Variants in TSC1 observed in about 807,000 individuals in gnomAD.
The protein encoded by TSC1 is TSC complex subunit 1, also known as hamartin.
In TSC1, 20 loss-of-function variants were observed where a neutral mutation model predicts 124.3. That is an observed-to-expected ratio of 0.16 (90% CI 0.11 to 0.23). TSC1 has a LOEUF of 0.23. Ranked by LOEUF, TSC1 falls within the 10% of genes least tolerant of loss-of-function variation. TSC1 has a pLI of 1.00. For synonymous variants in TSC1, 493 were observed against 539.1 expected (o/e 0.91, Z 1.19); for missense variants, 1,124 against 1,448.5 (o/e 0.78, Z 3.64).
intron 2 of TSC1, 44 bp from the exon 3 acceptor site, chr9:132,928,996 T>C (rs1002637640): frequency 6.6e-7 from 1 of 1,505,856 alleles, no homozygotes; most frequent in Middle Eastern, 2.4e-4. Flanking sequence ...GCCCCATTTT[T>C]CTCCATAAAA....
upstream of TSC1, chr9:132,944,818 G>C (rs1325222788): frequency 2.3e-5 from 9 of 387,304 alleles, no homozygotes; most frequent in Non-Finnish European, 3.2e-5. Context: ...TTTTATGGAG[G>C]GGGGCGGGGC....
chr9:132,907,241 A>G, intron 13 of TSC1, 60 bp downstream of exon 13: 7 of 1,419,156 alleles, frequency 4.9e-6, no homozygotes, highest in Non-Finnish European at 7.0e-6. Flanking sequence ...TTCTTTTCTT[A>G]AACACATATA....
rs552997213 is a variant in TSC1 at position 132,901,032 on chromosome 9, A to G, written c.2503-195T>C. ...CCAAGGACAACAAAAATAGACAGAAACACACTTCAGAACTGTGCTTTGCAA... is the reference window on the plus strand; with the variant it reads ...CCAAGGACAACAAAAATAGACAGAAGCACACTTCAGAACTGTGCTTTGCAA... On this transcript the variant is annotated intron_variant, in intron 19 of 22. Coordinates refer to ENST00000298552, the MANE Select transcript of TSC1 (RefSeq NM_000368.5). Among the ~76,000 whole-genome samples, 5 of 152,222 alleles carry G rather than the reference A, an allele frequency of 3.3e-5. No individual in the cohort carries two copies. In the East Asian group the frequency reaches 7.7e-4, roughly 23 times the overall value.
intron 8 of TSC1, among the ~76,000 whole-genome samples, chr9:132,919,333 T>C (rs983717798): frequency 3.9e-5 from 6 of 152,092 alleles, no homozygotes; most frequent in Admixed American, 2.6e-4. Context: ...ACAAAACAAC[T>C]AAAGAAAATA....
chr9:132,927,160 A>C, intron 4 of TSC1, 41 bp downstream of exon 4: 1 of 1,594,316 alleles, frequency 6.3e-7, no homozygotes, highest in Admixed American at 1.7e-5. Flanking sequence ...TGTTGTACTC[A>C]TGAAGAACAT....
rs1379334013 is a variant in TSC1 at position 132,903,714 on chromosome 9, C to T, written c.2145G>A (p.Arg715=). The change falls in exon 17 of 23, where the codon CGG becomes CGA. Residue 715 remains arginine (R), a synonymous_variant. Transcript: ENST00000298552. This position sits in a 1 kb window ranked among gnomAD's most constrained non-coding sequence, Gnocchi z 5.9. ...ERFKRQQHAL[R]NRRLLRKVIK... is the part of the protein sequence containing the mutation. ...TCACCTTGCGGAGGAGCCGCCTGTT[C>T]CGGAGGGCATGCTGCTGCCTCTTAA... 1 of 1,613,204 alleles carries T rather than the reference C, an allele frequency of 6.2e-7. No individual in the cohort carries two copies. Among genetic ancestry groups the T allele is most frequent in the Admixed American group, 1.7e-5 (1 of 60,022 alleles).
intron 18 of TSC1, 184 bp from the exon 19 acceptor site, chr9:132,901,883 C>G (rs1458673332): frequency 1.7e-6 from 1 of 594,254 alleles, no homozygotes; most frequent in Non-Finnish European, 3.0e-6. Flanking sequence ...GAGTTCCTTA[C>G]TGTTTAACAA....
At position 132,903,262 on chromosome 9, in the gene TSC1, A is replaced by G. The variant is rs933181322; in HGVS notation, c.2208+389T>C. Among the ~76,000 whole-genome samples, 1 of 152,222 alleles carries G rather than the reference A, an allele frequency of 6.6e-6. No homozygotes were observed. The highest frequency in any genetic ancestry group is 1.9e-4 in the East Asian group (1 of 5,208). On this transcript the variant is annotated intron_variant, in intron 17 of 22. Coordinates refer to ENST00000298552, the MANE Select transcript of TSC1 (RefSeq NM_000368.5). This position sits in a 1 kb window ranked among gnomAD's most constrained non-coding sequence, Gnocchi z 5.9. ...CTTCAAGAGGCCACGTTACTTTTCT[A>G]AGGTAACACTGGTAGAGCCAAGATT...
In TSC1 at chr9:132,911,454, T is replaced by A; in HGVS notation, c.1028A>T (p.Gln343Leu). The A allele has an allele frequency of 6.2e-7, 1 of 1,608,292 alleles. No individual in the cohort carries two copies. ...PSTRLITEPP[Q>L]ATLWSPSMVC... Reference sequence around the variant, plus strand: ...CAGGCACACTAGTTGACACCATACTTGTGGTGGTTCAGTTATCAGCCGTGT... The same window carrying A: ...CAGGCACACTAGTTGACACCATACTAGTGGTGGTTCAGTTATCAGCCGTGT... Residue 343 changes from glutamine (Q) to leucine (L), a missense_variant and splice_region_variant, in exon 10 of 23, where the codon CAA becomes CTA. By Grantham distance (113) the Gln-to-Leu change is moderately radical. Coordinates refer to ENST00000298552, the MANE Select transcript of TSC1 (RefSeq NM_000368.5).
chr9:132,913,752 GGAGGC>G (rs1000576420), intron 8 of TSC1, among the ~76,000 whole-genome samples: 2 of 149,504 alleles, frequency 1.3e-5, no homozygotes, highest in Admixed American at 6.6e-5. Context: ...CGTGAACCCA[GGAGGC>G]GGAATTTGCA....
At chr9:132,927,015 A>G in intron 4 of TSC1, 186 bp downstream of exon 4, 1 of 631,098 alleles carries the variant, frequency 1.6e-6, no homozygotes, top group Non-Finnish European at 2.8e-6. Context: ...TTTATTTTGT[A>G]AACTTTTCAA....
At chr9:132,926,131 T>G (rs1846846860) in intron 4 of TSC1, 1 of 271,732 alleles carries the variant, frequency 3.7e-6, no homozygotes, top group African/African-American at 2.2e-5. Flanking sequence ...AAGTATCAAT[T>G]AGGTAGTAGA....
Position 132,893,399 on chromosome 9 carries a change from G to A in TSC1, c.*2836C>T, listed in dbSNP as rs1253235325. 2 of 233,012 alleles carry A rather than the reference G, an allele frequency of 8.6e-6. No homozygotes were observed. The allele number at this position is 233,012 out of a possible 1,614,324, so 14.4% of individuals were successfully genotyped here. A position where few individuals can be genotyped will look rare whatever the true frequency, so the allele number is the denominator to read the frequency against. ...CAATCCCATAATAACAATTTTTATA[G>A]ACTGTATAGCAGAGCCTTGTCAACG... On this transcript the variant is annotated 3_prime_UTR_variant, in exon 23 of 23. Coordinates refer to ENST00000298552, the MANE Select transcript of TSC1 (RefSeq NM_000368.5).
At chr9:132,908,493 C>T (rs1304063169) in intron 12 of TSC1, among the ~76,000 whole-genome samples, 1 of 152,218 alleles carries the variant, frequency 6.6e-6, no homozygotes, top group Non-Finnish European at 1.5e-5. Context: ...GGCTCTGTCA[C>T]CTAGGCTGGA....
At chr9:132,936,956 G>C (rs1410571918) in intron 1 of TSC1, among the ~76,000 whole-genome samples, 3 of 152,232 alleles carry the variant, frequency 2.0e-5, no homozygotes. Flanking sequence ...GCTTGTTCCA[G>C]ATGACAGAGT....
In TSC1 at chr9:132,892,169, G is replaced by A. The variant is rs1393983201; in HGVS notation, c.*4066C>T. 3 of 233,106 alleles carry A rather than the reference G, an allele frequency of 1.3e-5. No individual in the cohort carries two copies. Among genetic ancestry groups the A allele is most frequent in the Admixed American group, 5.6e-5 (1 of 17,786 alleles). The allele number at this position is 233,106 out of a possible 1,614,324, so 14.4% of individuals were successfully genotyped here. A position where few individuals can be genotyped will look rare whatever the true frequency, so the allele number is the denominator to read the frequency against. On this transcript the variant is annotated 3_prime_UTR_variant, in exon 23 of 23. Transcript: ENST00000298552. ...AGGAACACGCTCCCCTGGGCACATC[G>A]AAGAGTCCCGGACAGGCAAACAAGC... is the stretch of plus-strand genomic sequence containing the variant.
In TSC1 at chr9:132,910,373, A is replaced by AGCAGAGTT. The variant is rs1024748042; in HGVS notation, c.1263+190_1263+197dup. ...GGGTTCCCCACAAGAGTTCTGCCAA[A>AGCAGAGTT]GCAGAGTTTTGGAACCACCCAGGGG... On this transcript the variant is annotated intron_variant, in intron 12 of 22. Coordinates refer to ENST00000298552, the MANE Select transcript of TSC1 (RefSeq NM_000368.5). 49 of 933,506 alleles carry AGCAGAGTT rather than the reference A, an allele frequency of 5.2e-5. No homozygotes were observed. The African/African-American group carries it at 7.4e-4, about 14-fold the overall frequency. 57.8% of individuals were successfully genotyped at this position (933,506 alleles called of 1,614,324 possible).
chr9:132,896,252 G>T lies in TSC1; in HGVS notation c.3478C>A (p.His1160Asn). ...ATCATTCCTTAGCTGTGTTCATGAT[G>T]AGTCTCATTGTAGTCCATGATATGT... ...QLHIMDYNET[H>N]HEHS is the part of the protein sequence containing the mutation. Residue 1160 changes from histidine to asparagine, a missense_variant, in exon 23 of 23, where the codon CAT becomes AAT. This residue lies in a region of TSC1 where 325 missense variants were observed against 383.4 expected (regional missense o/e 0.85). Transcript: ENST00000298552. This position sits in a 1 kb window ranked among gnomAD's most constrained non-coding sequence, Gnocchi z 4.5. The T allele has an allele frequency of 6.2e-7, 1 of 1,614,212 alleles. No homozygotes were observed. The highest frequency in any genetic ancestry group is 1.3e-5 in the African/African-American group (1 of 75,050).
chr9:132,904,647 C>T (rs1364653435), intron 15 of TSC1, among the ~76,000 whole-genome samples, 193 bp from the exon 16 acceptor site: 2 of 152,248 alleles, frequency 1.3e-5, no homozygotes, highest in South Asian at 2.1e-4. Flanking sequence ...AGGCGGCCCT[C>T]GCCCCACTGC....
Sources: gnomAD v4.1 joint callset for allele counts (sites outside exome capture counted in the v4.1 genomes callset) on GRCh38, gnomAD v4.1.1 for gene constraint, gnomAD v4.1.1 regional missense constraint, Gnocchi (gnomAD v3.1) non-coding constraint, MANE v1.5 for transcripts, NCBI Gene and HGNC (gene_info 2026-07-23, HGNC 2026-07-21) for gene names.